PLEKHA2: variants seen among roughly 807,000 people sequenced by gnomAD.
PLEKHA2 encodes the protein pleckstrin homology domain-containing family A member 2.
PLEKHA2 carries 28 observed loss-of-function variants against 53.2 expected under a neutral mutation model. The observed-to-expected ratio is 0.53, with a 90% CI of 0.39 to 0.72. The LOEUF (loss-of-function observed/expected upper bound fraction) is 0.72. Ranked by LOEUF, PLEKHA2 falls within the 30% of genes least tolerant of loss-of-function variation. PLEKHA2 has a pLI of 0.00. For synonymous variants in PLEKHA2, 193 were observed against 196.4 expected (o/e 0.98, Z 0.14); for missense variants, 426 against 537.9 (o/e 0.79, Z 2.06).
chr8:38,925,085 C>T (rs545464378), intron 2 of PLEKHA2, among the ~76,000 whole-genome samples: 6 of 152,096 alleles, frequency 3.9e-5, no homozygotes, highest in Non-Finnish European at 8.8e-5. Context: ...ATGCATGATA[C>T]CATATTGTTG....
chr8:38,907,427 G>C (rs1833893999), intron 1 of PLEKHA2, among the ~76,000 whole-genome samples: 1 of 152,008 alleles, frequency 6.6e-6, no homozygotes, highest in South Asian at 2.1e-4. Context: ...AAATCAAGAG[G>C]GCTATTCAGA....
intron 2 of PLEKHA2, among the ~76,000 whole-genome samples, chr8:38,929,739 T>C (rs1834354524): frequency 6.6e-6 from 1 of 152,232 alleles, no homozygotes; most frequent in Non-Finnish European, 1.5e-5. Flanking sequence ...ACCAGATTGA[T>C]GTTAGGAGTT....
At chr8:38,928,369 C>T (rs1834326106) in intron 2 of PLEKHA2, among the ~76,000 whole-genome samples, 1 of 151,780 alleles carries the variant, frequency 6.6e-6, no homozygotes, top group Admixed American at 6.6e-5. Context: ...CTACCGCAGC[C>T]TCCCGGATAC....
intron 10 of PLEKHA2, among the ~76,000 whole-genome samples, chr8:38,959,894 A>C (rs10958812): frequency 6.6e-6 from 1 of 151,958 alleles, no homozygotes. Flanking sequence ...AGGTTAGCAT[A>C]GGTGGTTCAG....
chr8:38,923,135 G>A (rs1036579955), intron 2 of PLEKHA2, among the ~76,000 whole-genome samples: 7 of 152,156 alleles, frequency 4.6e-5, no homozygotes, highest in South Asian at 2.1e-4. Flanking sequence ...GCCAATGCCC[G>A]GATGCCAATA....
In PLEKHA2 at chr8:38,968,610, A is replaced by T; in HGVS notation, c.856A>T (p.Met286Leu). 6.2e-7 allele frequency: 1 copy of T among 1,614,034 alleles called. No homozygotes were observed. The highest frequency in any genetic ancestry group is 8.5e-7 in the Non-Finnish European group (1 of 1,179,892). ...TTTGCAGGCAGACAGTCCAGAAGAC[A>T]TGCACAGCTGGATTAAGGAGATTGG... is the stretch of plus-strand genomic sequence containing the variant. ...FYVQADSPED[M>L]HSWIKEIGAA... Residue 286 changes from methionine (M) to leucine (L), a missense_variant, in exon 11 of 12, where the codon ATG (methionine) becomes TTG (leucine). Met to Leu is a conservative substitution (Grantham distance 15). Coordinates refer to ENST00000617275, the MANE Select transcript of PLEKHA2 (RefSeq NM_021623.2).
At chr8:38,947,752 C>T (rs1834741997) in intron 5 of PLEKHA2, among the ~76,000 whole-genome samples, 1 of 152,074 alleles carries the variant, frequency 6.6e-6, no homozygotes, top group African/African-American at 2.4e-5. Flanking sequence ...AACACAGCAG[C>T]CAAGCTTCTG....
At chr8:38,917,851 C>A in intron 1 of PLEKHA2, 56 bp from the exon 2 acceptor site, 1 of 1,557,018 alleles carries the variant, frequency 6.4e-7, no homozygotes, top group South Asian at 1.2e-5. Flanking sequence ...TCCTGCAGGT[C>A]CTGAGGCAGA....
intron 1 of PLEKHA2, among the ~76,000 whole-genome samples, chr8:38,906,639 T>C (rs568943139): frequency 1.7e-4 from 26 of 152,348 alleles, no homozygotes; most frequent in African/African-American, 5.5e-4. Context: ...TTACACTATT[T>C]GGAATCTGCT....
At chr8:38,952,548 C>A in intron 7 of PLEKHA2, 88 bp from the exon 8 acceptor site, 1 of 1,444,946 alleles carries the variant, frequency 6.9e-7, no homozygotes, top group South Asian at 1.2e-5. Flanking sequence ...TTCCATGGGG[C>A]TGGGTCCTTG....
intron 1 of PLEKHA2, among the ~76,000 whole-genome samples, chr8:38,906,275 G>C (rs1833872399): frequency 6.6e-6 from 1 of 152,228 alleles, no homozygotes; most frequent in Non-Finnish European, 1.5e-5. Flanking sequence ...GTTTCCTGCA[G>C]GCTCCAACAA....
chr8:38,948,981 C>G (rs1035220435), intron 5 of PLEKHA2, among the ~76,000 whole-genome samples: 6 of 152,116 alleles, frequency 3.9e-5, no homozygotes, highest in African/African-American at 1.2e-4. Context: ...AGCGATTCTC[C>G]TGCCTCAGCC....
rs1298621182 is a variant in PLEKHA2 at position 38,901,364 on chromosome 8, A to C, written c.-105A>C. The C allele has an allele frequency of 6.6e-6, 1 of 151,910 alleles. No homozygotes were observed. Among genetic ancestry groups the C allele is most frequent in the Non-Finnish European group, 1.5e-5 (1 of 68,458 alleles). The allele number at this position is 151,910 out of a possible 1,614,324, so 9.4% of individuals were successfully genotyped here. A position where few individuals can be genotyped will look rare whatever the true frequency, so the allele number is the denominator to read the frequency against. On this transcript the variant is annotated 5_prime_UTR_variant, in exon 1 of 12. Transcript: ENST00000617275. Reference sequence around the variant, plus strand: ...GGCAGGCAGACCCAGAAATCCCTGGAGCGCGGCGGACCCGGCGGCCGGAGG... The same window carrying C: ...GGCAGGCAGACCCAGAAATCCCTGGCGCGCGGCGGACCCGGCGGCCGGAGG...
intron 6 of PLEKHA2, among the ~76,000 whole-genome samples, chr8:38,951,705 G>A (rs374852762): frequency 4.6e-5 from 7 of 151,686 alleles, no homozygotes; most frequent in African/African-American, 1.5e-4. Flanking sequence ...GTTTTGCCAT[G>A]TTGTTATTTA....
intron 9 of PLEKHA2, among the ~76,000 whole-genome samples, chr8:38,955,361 A>G (rs187834074): frequency 2.0e-5 from 3 of 152,330 alleles, no homozygotes; most frequent in Admixed American, 1.3e-4. Flanking sequence ...AGAAAGAGGC[A>G]TTTTTTATTC....
At chr8:38,941,738 T>C (rs2129420378) in intron 3 of PLEKHA2, among the ~76,000 whole-genome samples, 1 of 152,356 alleles carries the variant, frequency 6.6e-6, no homozygotes, top group East Asian at 1.9e-4. Context: ...ATGACTGTCT[T>C]ACCTGCACTA....
At chr8:38,966,654 C>A (rs993118786) in intron 10 of PLEKHA2, among the ~76,000 whole-genome samples, 2 of 152,170 alleles carry the variant, frequency 1.3e-5, no homozygotes, top group African/African-American at 2.4e-5. Context: ...CTGCTGCCCC[C>A]TTCTGGGGTT....
intron 2 of PLEKHA2, among the ~76,000 whole-genome samples, chr8:38,925,814 A>G (rs1414335834): frequency 6.6e-6 from 1 of 152,276 alleles, no homozygotes; most frequent in East Asian, 1.9e-4. Flanking sequence ...TAAAGGCTAC[A>G]TGAAAATTGG....
chr8:38,918,161 C>CTCTGTTGCCCAGGCTAGAGTGCA, intron 2 of PLEKHA2, 91 bp downstream of exon 2: 1 of 1,466,848 alleles, frequency 6.8e-7, no homozygotes, highest in African/African-American at 1.4e-5. Flanking sequence ...GGCCTAGGCT[C>CTCTGTTGCCCAGGCTAGAGTGCA]GTGAGCAACA....
Sources: gnomAD v4.1 joint callset for allele counts (sites outside exome capture counted in the v4.1 genomes callset) on GRCh38, gnomAD v4.1.1 for gene constraint, MANE v1.5 for transcripts, NCBI Gene and HGNC (gene_info 2026-07-23, HGNC 2026-07-21) for gene names.